The following USP49 variants were observed in gnomAD, a reference collection of about 807,000 sequenced individuals.
USP49 encodes the protein ubiquitin carboxyl-terminal hydrolase 49.
A neutral mutation model predicts 58.6 loss-of-function variants in USP49; 24 were observed. That is an observed-to-expected ratio of 0.41 (90% CI 0.30 to 0.58). USP49 has a LOEUF of 0.58. Ranked by LOEUF, USP49 falls within the 20% of genes least tolerant of loss-of-function variation. USP49 has a pLI of 0.30. For missense variants in USP49, 703 were observed against 866.1 expected (o/e 0.81, Z 2.36); for synonymous variants, 408 against 365.1 (o/e 1.12, Z -1.34).
intron 3 of USP49, among the ~76,000 whole-genome samples, chr6:41,811,233 T>C (rs1439202699): frequency 6.6e-6 from 1 of 152,206 alleles, no homozygotes; most frequent in East Asian, 1.9e-4. Flanking sequence ...TTACATCATT[T>C]TTCTGGATGT....
chr6:41,817,150 C>CTTTTTTTTTTTTTTTTTTTTTTTT (rs34281670), intron 3 of USP49, among the ~76,000 whole-genome samples: 2 of 104,338 alleles, frequency 1.9e-5, no homozygotes, highest in African/African-American at 8.9e-5. Flanking sequence ...CCCACGCATG[C>CTTTTTTTTTTTTTTTTTTTTTTTT]TTTTTTTTTT....
At position 41,796,627 on chromosome 6, in the gene USP49, G is replaced by A. The variant is rs1013542234; in HGVS notation, c.1973C>T (p.Thr658Ile). ...TGAGATTCTTGCATTGCCCTGCACT[G>A]TTCTTTGAGTGTAAAAAAGGATGTA... ...QAYILFYTQR[T>I]VQGNARISET... The change falls in exon 8 of 8, where the codon ACA (threonine) becomes ATA (isoleucine). Residue 658 changes from threonine to isoleucine, a missense_variant. Transcript: ENST00000682992. 1 of 717,328 alleles carries A rather than the reference G, an allele frequency of 1.4e-6. No individual in the cohort carries two copies. The highest frequency in any genetic ancestry group is 2.6e-6 in the Non-Finnish European group (1 of 385,104). 44.4% of individuals were successfully genotyped at this position (717,328 alleles called of 1,614,324 possible).
At chr6:41,813,496 A>G (rs1172432811) in intron 3 of USP49, among the ~76,000 whole-genome samples, 1 of 152,222 alleles carries the variant, frequency 6.6e-6, no homozygotes, top group East Asian at 1.9e-4. Context: ...CCAAAAGAGA[A>G]GAACACTAAA....
chr6:41,881,509 G>A (rs2127363327), intron 2 of USP49, among the ~76,000 whole-genome samples: 1 of 151,646 alleles, frequency 6.6e-6, no homozygotes, highest in Non-Finnish European at 1.5e-5. Flanking sequence ...TTCCAATCAA[G>A]ATTTCTAAGG....
At chr6:41,824,628 C>T (rs1773508092) in intron 3 of USP49, among the ~76,000 whole-genome samples, 1 of 152,270 alleles carries the variant, frequency 6.6e-6, no homozygotes, top group South Asian at 2.1e-4. Flanking sequence ...ATCGCTTGAA[C>T]CTGGGAAGCA....
chr6:41,853,096 G>C (rs1308992666), intron 3 of USP49, among the ~76,000 whole-genome samples: 1 of 152,178 alleles, frequency 6.6e-6, no homozygotes, highest in African/African-American at 2.4e-5. Context: ...TAAGGCAGGA[G>C]AATCGCTTGA....
At chr6:41,889,556 T>G (rs887164366) in intron 2 of USP49, among the ~76,000 whole-genome samples, 2 of 151,754 alleles carry the variant, frequency 1.3e-5, no homozygotes, top group Non-Finnish European at 2.9e-5. Context: ...GCTAGGGAGG[T>G]TCTCAACACA....
chr6:41,852,412 C>T (rs1774046711), intron 3 of USP49, among the ~76,000 whole-genome samples: 1 of 152,146 alleles, frequency 6.6e-6, no homozygotes, highest in Admixed American at 6.6e-5. Context: ...GATTCAAAAT[C>T]AATATGCAAA....
At chr6:41,810,001 A>T (rs1426726424) in intron 3 of USP49, among the ~76,000 whole-genome samples, 3 of 149,434 alleles carry the variant, frequency 2.0e-5, no homozygotes, top group African/African-American at 7.4e-5. Context: ...AAATACAAAA[A>T]ATTAGCCGGG....
chr6:41,803,843 G>A lies in USP49; in HGVS notation c.1524C>T (p.Ala508=), dbSNP rs1773061903. The A allele has an allele frequency of 1.2e-6, 2 of 1,614,086 alleles. No homozygotes were observed. The highest frequency in any genetic ancestry group is 1.7e-6 in the Non-Finnish European group (2 of 1,180,012). ...EMLAKFTETE[A]LEGRIYACDQ... ...CACAAGCGTAGATTCTCCCTTCCAG[G>A]GCCTCTGTCTCTGTGAATTTGGCCA... The change falls in exon 5 of 8, where the codon GCC becomes GCT. Residue 508 remains alanine, a synonymous_variant. Transcript: ENST00000682992. The surrounding 1 kb of genome is among the most constrained non-coding windows in gnomAD (Gnocchi z 4.1).
At chr6:41,814,500 C>T (rs921107760) in intron 3 of USP49, among the ~76,000 whole-genome samples, 1 of 152,144 alleles carries the variant, frequency 6.6e-6, no homozygotes, top group Non-Finnish European at 1.5e-5. Flanking sequence ...AAATCTATAG[C>T]TTGAAAATAT....
chr6:41,849,700 C>T (rs757268092), intron 3 of USP49, among the ~76,000 whole-genome samples: 4 of 151,786 alleles, frequency 2.6e-5, no homozygotes, highest in African/African-American at 4.8e-5. Context: ...CTCTGCCTCC[C>T]GGGTTCAAGT....
At chr6:41,816,924 T>C (rs1773362224) in intron 3 of USP49, among the ~76,000 whole-genome samples, 1 of 151,526 alleles carries the variant, frequency 6.6e-6, no homozygotes, top group Non-Finnish European at 1.5e-5. Context: ...CAGGCTGATC[T>C]CAAATTCCTG....
intron 7 of USP49, chr6:41,797,804 T>C (rs1015893208): frequency 3.1e-5 from 31 of 985,854 alleles, no homozygotes; most frequent in Middle Eastern, 5.2e-4. Flanking sequence ...TAACCAATAC[T>C]TTTGATAATA....
intron 3 of USP49, among the ~76,000 whole-genome samples, chr6:41,850,609 C>CT (rs1392306401): frequency 0.017 from 2,332 of 141,264 alleles, 30 homozygotes; most frequent in African/African-American, 0.031. Context: ...TGGATAAATT[C>CT]TTTTTTTTTT....
In USP49 at chr6:41,795,394, G is replaced by A. The variant is rs1237003195; in HGVS notation, c.*1139C>T. The stretch of plus-strand genomic sequence containing the variant: ...CTTGTTTTTTTCTCTGATGGACTGA[G>A]TATGGGGGGTAAAGCAACAGTAGGG... On this transcript the variant is annotated 3_prime_UTR_variant, in exon 8 of 8. Transcript: ENST00000682992. 1 of 152,226 alleles carries A rather than the reference G, an allele frequency of 6.6e-6. No individual in the cohort carries two copies. Among genetic ancestry groups the A allele is most frequent in the Non-Finnish European group, 1.5e-5 (1 of 68,074 alleles). 9.4% of individuals were successfully genotyped at this position (152,226 alleles called of 1,614,324 possible). A position where few individuals can be genotyped will look rare whatever the true frequency, so the allele number is the denominator to read the frequency against.
intron 3 of USP49, among the ~76,000 whole-genome samples, chr6:41,843,236 G>T (rs1348022082): frequency 6.6e-6 from 1 of 152,126 alleles, no homozygotes; most frequent in East Asian, 1.9e-4. Context: ...CAGTAACTTT[G>T]CTAGCACTAT....
chr6:41,796,484 T>G lies in USP49; in HGVS notation c.*49A>C, dbSNP rs1195589634. 1 of 705,888 alleles carries G rather than the reference T, an allele frequency of 1.4e-6. No homozygotes were observed. Among genetic ancestry groups the G allele is most frequent in the Non-Finnish European group, 2.6e-6 (1 of 379,232 alleles). 43.7% of individuals were successfully genotyped at this position (705,888 alleles called of 1,614,324 possible). On this transcript the variant is annotated 3_prime_UTR_variant, in exon 8 of 8. Transcript: ENST00000682992. ...GCCTTATTTCCTATAAGAGGAAAGATGTATGGACACCAATACACAAAAGCC... is the reference window on the plus strand; with the variant it reads ...GCCTTATTTCCTATAAGAGGAAAGAGGTATGGACACCAATACACAAAAGCC...
intron 3 of USP49, among the ~76,000 whole-genome samples, chr6:41,856,376 A>G (rs1410028959): frequency 6.7e-6 from 1 of 148,518 alleles, no homozygotes; most frequent in African/African-American, 2.4e-5. Flanking sequence ...CCCCGTCTCA[A>G]AAAAAAAAAA....
Sources: gnomAD v4.1 joint callset for allele counts (sites outside exome capture counted in the v4.1 genomes callset) on GRCh38, gnomAD v4.1.1 for gene constraint, Gnocchi (gnomAD v3.1) non-coding constraint, MANE v1.5 for transcripts, NCBI Gene and HGNC (gene_info 2026-07-23, HGNC 2026-07-21) for gene names.